Variants in TCEA1 observed in about 807,000 individuals in gnomAD.
TCEA1 encodes transcription elongation factor A protein 1.
Under a neutral mutation model 43.8 loss-of-function variants are expected in TCEA1, and 21 were observed. That is an observed-to-expected ratio of 0.48 (90% CI 0.34 to 0.69). The LOEUF is 0.69. Ranked by LOEUF, TCEA1 falls within the 30% of genes least tolerant of loss-of-function variation. The pLI, the probability that TCEA1 is intolerant of heterozygous loss-of-function variation, is 0.01. For missense variants in TCEA1, 250 were observed against 365.1 expected (o/e 0.68, Z 2.57); for synonymous variants, 104 against 117.5 (o/e 0.88, Z 0.75).
At position 53,986,773 on chromosome 8, in the gene TCEA1, C is replaced by G. The variant is rs1188335581; in HGVS notation, c.523+196G>C. Among the ~76,000 whole-genome samples, 18 of 152,152 alleles carry G rather than the reference C, an allele frequency of 1.2e-4. 1 individual carries two copies. Among genetic ancestry groups the G allele is most frequent in the Admixed American group, 1.2e-3 (18 of 15,272 alleles). On this transcript the variant is annotated intron_variant, in intron 6 of 9. Coordinates refer to ENST00000521604, the MANE Select transcript of TCEA1 (RefSeq NM_006756.4). ...AAATTCCCTACAATGGAATCCCAGC[C>G]CTGTCAGTGTCAGGCTGTGTGATCT...
chr8:54,005,762 C>T (rs972160071), intron 2 of TCEA1, among the ~76,000 whole-genome samples: 2 of 152,178 alleles, frequency 1.3e-5, no homozygotes, highest in Non-Finnish European at 2.9e-5. Context: ...CTTCATTAGT[C>T]AACAGGTCTT....
At chr8:54,002,238 G>A (rs111451943) in intron 2 of TCEA1, among the ~76,000 whole-genome samples, 17 of 151,986 alleles carry the variant, frequency 1.1e-4, no homozygotes, top group African/African-American at 3.4e-4. Flanking sequence ...CTGGGAGGCC[G>A]AGGTGGGTGG....
At chr8:53,972,906 G>A (rs1310794432) in intron 8 of TCEA1, 8 of 680,464 alleles carry the variant, frequency 1.2e-5, no homozygotes, top group African/African-American at 5.3e-5. Flanking sequence ...GCCGAAGGAC[G>A]TAGCCTCAGA....
chr8:54,010,828 T>TA (rs941226315), intron 1 of TCEA1, among the ~76,000 whole-genome samples: 2 of 151,240 alleles, frequency 1.3e-5, no homozygotes, highest in Non-Finnish European at 2.9e-5. Flanking sequence ...TTTTTTTTTT[T>TA]AAGACAGAGT....
At chr8:53,996,914 T>C (rs1804073992) in intron 3 of TCEA1, among the ~76,000 whole-genome samples, 1 of 147,832 alleles carries the variant, frequency 6.8e-6, no homozygotes, top group Non-Finnish European at 1.5e-5. Context: ...TTTTTTTTTT[T>C]TTTTAGACAG....
intron 2 of TCEA1, among the ~76,000 whole-genome samples, chr8:54,008,843 T>G (rs1201739992): frequency 6.7e-6 from 1 of 150,374 alleles, no homozygotes; most frequent in East Asian, 1.9e-4. Flanking sequence ...TTATTTTTAT[T>G]TATTTATTTA....
chr8:53,994,906 A>C (rs1196233247), intron 3 of TCEA1, among the ~76,000 whole-genome samples: 2 of 151,910 alleles, frequency 1.3e-5, no homozygotes, highest in African/African-American at 2.4e-5. Flanking sequence ...GATATTATGA[A>C]ATAAGGTACA....
chr8:53,968,987 T>C (rs1468281594), intron 9 of TCEA1, among the ~76,000 whole-genome samples: 1 of 151,512 alleles, frequency 6.6e-6, no homozygotes, highest in Non-Finnish European at 1.5e-5. Flanking sequence ...AACTAAATCT[T>C]TGTACGTAAT....
intron 2 of TCEA1, 64 bp downstream of exon 2, chr8:54,010,366 A>C: frequency 1.7e-6 from 2 of 1,210,378 alleles, no homozygotes; most frequent in Non-Finnish European, 2.4e-6. Flanking sequence ...ATTGGTACTG[A>C]AGATGTTTTG....
At chr8:53,974,797 T>C (rs1381331348) in intron 8 of TCEA1, among the ~76,000 whole-genome samples, 1 of 152,110 alleles carries the variant, frequency 6.6e-6, no homozygotes, top group Non-Finnish European at 1.5e-5. Flanking sequence ...CCCAAAGTGT[T>C]GGGATTCCAG....
chr8:53,980,438 C>T (rs1803467693), intron 7 of TCEA1, among the ~76,000 whole-genome samples: 1 of 152,210 alleles, frequency 6.6e-6, no homozygotes, highest in Admixed American at 6.5e-5. Flanking sequence ...TCTATTGGCG[C>T]TATTTTTCCA....
chr8:54,008,853 A>ATT (rs1214827346), intron 2 of TCEA1, among the ~76,000 whole-genome samples: 1 of 140,256 alleles, frequency 7.1e-6, no homozygotes, highest in African/African-American at 2.6e-5. Flanking sequence ...TTATTTATTT[A>ATT]TTTTTTTTTT....
At chr8:53,969,699 T>G (rs1264763769) in intron 9 of TCEA1, among the ~76,000 whole-genome samples, 1 of 152,206 alleles carries the variant, frequency 6.6e-6, no homozygotes. Context: ...AAAATCAGTT[T>G]GTATGATTCC....
intron 7 of TCEA1, among the ~76,000 whole-genome samples, chr8:53,981,649 T>C (rs371505940): frequency 3.4e-4 from 52 of 152,368 alleles, no homozygotes; most frequent in African/African-American, 1.3e-3. Context: ...ATATGCCTAG[T>C]CATCCAATAG....
rs541510879 is a variant in TCEA1 at position 53,984,258 on chromosome 8, T to A, written c.678+105A>T. On this transcript the variant is annotated intron_variant, in intron 7 of 9. Transcript: ENST00000521604. ...TATAAATATATCAGAATAACGGAAA[T>A]TTATTACATATGCAATATTTATATA... is the stretch of plus-strand genomic sequence containing the variant. 9.1e-6 allele frequency: 10 copies of A among 1,104,380 alleles called. No individual in the cohort carries two copies. The East Asian group carries it at 2.8e-4, about 30-fold the overall frequency. The allele number at this position is 1,104,380 out of a possible 1,614,324, so 68.4% of individuals were successfully genotyped here. A position where few individuals can be genotyped will look rare whatever the true frequency, so the allele number is the denominator to read the frequency against.
chr8:53,973,541 G>T (rs1450824719), intron 8 of TCEA1: 2 of 521,202 alleles, frequency 3.8e-6, no homozygotes, highest in Admixed American at 5.3e-5. Context: ...TCCAGAAGAA[G>T]AAACCAAAAT....
At chr8:54,005,680 AC>A (rs2129310692) in intron 2 of TCEA1, among the ~76,000 whole-genome samples, 1 of 152,272 alleles carries the variant, frequency 6.6e-6, no homozygotes, top group South Asian at 2.1e-4. Context: ...TCTTTCATTA[AC>A]AAATTCCCCT....
At chr8:53,972,497 T>G in intron 8 of TCEA1, 1 of 533,838 alleles carries the variant, frequency 1.9e-6, no homozygotes, top group South Asian at 1.4e-5. Context: ...CTGATGACAT[T>G]ACACATTAAT....
intron 8 of TCEA1, among the ~76,000 whole-genome samples, chr8:53,976,137 T>C (rs1253323585): frequency 6.6e-6 from 1 of 152,182 alleles, no homozygotes; most frequent in African/African-American, 2.4e-5. Flanking sequence ...ACTAATAATG[T>C]TGCAGTTAGA....
Sources: gnomAD v4.1 joint callset for allele counts (sites outside exome capture counted in the v4.1 genomes callset) on GRCh38, gnomAD v4.1.1 for gene constraint, MANE v1.5 for transcripts, NCBI Gene and HGNC (gene_info 2026-07-23, HGNC 2026-07-21) for gene names.